The following SPIDR variants were observed in gnomAD, a reference collection of about 807,000 sequenced individuals.
The protein encoded by SPIDR is DNA repair-scaffolding protein.
A neutral mutation model predicts 104.6 loss-of-function variants in SPIDR; 93 were observed. That is an observed-to-expected ratio of 0.89 (90% CI 0.75 to 1.06). The LOEUF (loss-of-function observed/expected upper bound fraction) is 1.06. Among genes scored for constraint, SPIDR ranks in the 50% least tolerant of loss-of-function variants. SPIDR has a pLI of 0.00. For missense variants in SPIDR, 1,154 were observed against 1,111.2 expected, an observed-to-expected ratio of 1.04 and a Z score of -0.55; for synonymous variants, 431 against 416.9, an observed-to-expected ratio of 1.03 and a Z score of -0.41.
At chr8:47,560,979 A>G (rs181284539) in intron 8 of SPIDR, among the ~76,000 whole-genome samples, 4 of 152,266 alleles carry the variant, frequency 2.6e-5, no homozygotes, top group African/African-American at 9.6e-5. Flanking sequence ...GGTAGTTCAC[A>G]CCTAGCTTCT....
At chr8:47,421,380 C>T (rs1459819427) in intron 7 of SPIDR, among the ~76,000 whole-genome samples, 1 of 152,038 alleles carries the variant, frequency 6.6e-6, no homozygotes, top group Non-Finnish European at 1.5e-5. Context: ...TCACTGATAC[C>T]CTTTCTTCCA....
At chr8:47,711,587 T>C (rs879831938) in intron 14 of SPIDR, among the ~76,000 whole-genome samples, 26 of 152,072 alleles carry the variant, frequency 1.7e-4, no homozygotes, top group Non-Finnish European at 3.5e-4. Context: ...TATTGAGATA[T>C]CATTGCCTCT....
At chr8:47,700,527 A>T (rs2080018145) in intron 12 of SPIDR, 37 bp downstream of exon 12, 2 of 1,606,604 alleles carry the variant, frequency 1.2e-6, no homozygotes, top group Non-Finnish European at 1.7e-6. Context: ...CCAGTCACAG[A>T]CTACTCCATG....
At chr8:47,396,797 A>T (rs2061301844) in intron 6 of SPIDR, among the ~76,000 whole-genome samples, 171 bp downstream of exon 6, 2 of 152,194 alleles carry the variant, frequency 1.3e-5, no homozygotes, top group Non-Finnish European at 2.9e-5. Context: ...TGCCCAGCAG[A>T]TGTGACTGCC....
rs1024167872 is a variant in SPIDR at position 47,342,695 on chromosome 8, T to G, written c.525+48665T>G. Among the ~76,000 whole-genome samples, 7 of 152,132 alleles carry G rather than the reference T, an allele frequency of 4.6e-5. No homozygotes were observed. In the East Asian group the frequency reaches 1.3e-3, roughly 29 times the overall value. Reference sequence around the variant, plus strand: ...GCTTTTAGCACACATTGTACACTCCTTTCTTATTATTTCCTTTCTTATCGA... The same window carrying G: ...GCTTTTAGCACACATTGTACACTCCGTTCTTATTATTTCCTTTCTTATCGA... On this transcript the variant is annotated intron_variant, in intron 5 of 19. Coordinates refer to ENST00000297423, the MANE Select transcript of SPIDR (RefSeq NM_001080394.4).
Position 47,713,474 on chromosome 8 carries a change from T to A in SPIDR, c.2189-15T>A. On this transcript the variant is annotated splice_polypyrimidine_tract_variant and intron_variant, in intron 15 of 19. Coordinates refer to ENST00000297423, the MANE Select transcript of SPIDR (RefSeq NM_001080394.4). ...TCTTCAAGGCTTCAATAACCTGAAGTGTCTCTGTCGGCAGGTCGGATTGTT... is the reference window on the plus strand; with the variant it reads ...TCTTCAAGGCTTCAATAACCTGAAGAGTCTCTGTCGGCAGGTCGGATTGTT... The A allele has an allele frequency of 6.2e-7, 1 of 1,614,020 alleles. No individual in the cohort carries two copies. Among genetic ancestry groups the A allele is most frequent in the Non-Finnish European group, 8.5e-7 (1 of 1,179,910 alleles).
At chr8:47,544,157 G>A (rs2088806707) in intron 8 of SPIDR, among the ~76,000 whole-genome samples, 2 of 152,090 alleles carry the variant, frequency 1.3e-5, no homozygotes, top group African/African-American at 4.8e-5. Flanking sequence ...ATGGCATCAA[G>A]CATCTTTTCA....
chr8:47,667,859 T>C (rs1448130285), intron 10 of SPIDR: 1 of 152,074 alleles, frequency 6.6e-6, no homozygotes, highest in African/African-American at 2.4e-5. Context: ...TGCAAATTCA[T>C]GAAGCATTAC....
intron 8 of SPIDR, among the ~76,000 whole-genome samples, chr8:47,483,066 ATTC>A (rs1554728332): frequency 7.2e-5 from 11 of 151,988 alleles, no homozygotes. Flanking sequence ...GGGCTTTCCT[ATTC>A]TTGCTGACCC....
chr8:47,566,900 G>A (rs895140936), intron 8 of SPIDR, among the ~76,000 whole-genome samples: 2 of 151,786 alleles, frequency 1.3e-5, no homozygotes, highest in African/African-American at 4.8e-5. Flanking sequence ...TACTGTGGAA[G>A]TGATATTTTA....
chr8:47,651,429 AT>A (rs963093718), intron 10 of SPIDR, among the ~76,000 whole-genome samples: 4 of 152,192 alleles, frequency 2.6e-5, no homozygotes, highest in African/African-American at 9.6e-5. Flanking sequence ...AATGGACATT[AT>A]TTTGAAAGTT....
chr8:47,278,271 C>G (rs1222783805), intron 1 of SPIDR, among the ~76,000 whole-genome samples: 1 of 151,758 alleles, frequency 6.6e-6, no homozygotes, highest in Non-Finnish European at 1.5e-5. Context: ...TCCTCCCACC[C>G]CAGCCTCTTG....
chr8:47,319,577 A>G (rs1296794839), intron 5 of SPIDR, among the ~76,000 whole-genome samples: 14 of 152,242 alleles, frequency 9.2e-5, no homozygotes, highest in South Asian at 4.2e-4. Context: ...ATTGTACTCA[A>G]CTCTGCACCA....
chr8:47,596,934 T>G (rs576073317), intron 9 of SPIDR, among the ~76,000 whole-genome samples: 2 of 152,164 alleles, frequency 1.3e-5, no homozygotes, highest in Non-Finnish European at 2.9e-5. Context: ...AATATCACCA[T>G]CTTCCACCTC....
intron 10 of SPIDR, among the ~76,000 whole-genome samples, chr8:47,661,492 G>A (rs1453913082): frequency 6.6e-6 from 1 of 152,254 alleles, no homozygotes; most frequent in Non-Finnish European, 1.5e-5. Context: ...GCAAAGGAAT[G>A]TACTCAACTG....
chr8:47,561,018 C>G (rs539653299), intron 8 of SPIDR, among the ~76,000 whole-genome samples: 13 of 152,296 alleles, frequency 8.5e-5, no homozygotes, highest in African/African-American at 2.9e-4. Context: ...TTGTCAGCTT[C>G]CTCAGCTTCA....
chr8:47,457,933 T>A (rs1188815353), intron 8 of SPIDR, among the ~76,000 whole-genome samples: 2 of 152,240 alleles, frequency 1.3e-5, no homozygotes, highest in African/African-American at 4.8e-5. Flanking sequence ...GGGTTCTCTA[T>A]TCTGTTCCAG....
intron 11 of SPIDR, among the ~76,000 whole-genome samples, chr8:47,684,444 A>C (rs1461510295): frequency 6.6e-6 from 1 of 152,154 alleles, no homozygotes; most frequent in Non-Finnish European, 1.5e-5. Context: ...ACTGATTCAC[A>C]GCTCTGGCTT....
intron 5 of SPIDR, among the ~76,000 whole-genome samples, chr8:47,323,569 A>T (rs2154263945): frequency 6.6e-6 from 1 of 152,320 alleles, no homozygotes; most frequent in Non-Finnish European, 1.5e-5. Context: ...CCTCTCACTG[A>T]ATGCTTGGCC....
Sources: gnomAD v4.1 joint callset for allele counts (sites outside exome capture counted in the v4.1 genomes callset) on GRCh38, gnomAD v4.1.1 for gene constraint, MANE v1.5 for transcripts, NCBI Gene and HGNC (gene_info 2026-07-23, HGNC 2026-07-21) for gene names.